Variants in PABPN1L observed in about 807,000 individuals in gnomAD.
The protein encoded by PABPN1L is PABPN1 like, cytoplasmic.
PABPN1L carries 45 observed loss-of-function variants against 34.0 expected under a neutral mutation model. That is an observed-to-expected ratio of 1.32 (90% CI 1.04 to 1.70). The LOEUF (loss-of-function observed/expected upper bound fraction) is 1.70. Ranked by LOEUF, PABPN1L falls within the 40% of genes most tolerant of loss-of-function variation. PABPN1L has a pLI of 0.00. For synonymous variants in PABPN1L, 182 were observed against 152.1 expected, an observed-to-expected ratio of 1.20 and a Z score of -1.45; for missense variants, 459 against 367.8, an observed-to-expected ratio of 1.25 and a Z score of -2.03.
At chr16:88,866,794 C>T (rs941180118), upstream of PABPN1L, 1 of 781,222 alleles carries the variant, frequency 1.3e-6, no homozygotes, top group Admixed American at 3.1e-5. Context: ...CCTTCCCTGT[C>T]ACTCGGACAG....
At chr16:88,869,901 A>C (rs971879558), upstream of PABPN1L, among the ~76,000 whole-genome samples, 2 of 151,736 alleles carry the variant, frequency 1.3e-5, no homozygotes. Context: ...CTTCAAATAC[A>C]CCCTGTTCCA....
chr16:88,864,204 GC>G, intron 6 of PABPN1L, 32 bp downstream of exon 6: 5 of 1,493,260 alleles, frequency 3.3e-6, no homozygotes, highest in Admixed American at 2.0e-5. Flanking sequence ...CATGGCCCTC[GC>G]CCCCAGGCTG....
upstream of PABPN1L, among the ~76,000 whole-genome samples, chr16:88,867,334 T>G (rs1225638805): frequency 6.6e-6 from 1 of 152,004 alleles, no homozygotes; most frequent in Non-Finnish European, 1.5e-5. Context: ...TTCGGGTGAT[T>G]CTCCTGCCTC....
Position 88,866,476 on chromosome 16 carries a change from C to A in PABPN1L, c.131G>T (p.Gly44Val), listed in dbSNP as rs769851079. 1.9e-6 allele frequency: 3 copies of A among 1,551,484 alleles called. No homozygotes were observed. The South Asian group carries it at 3.6e-5, about 18-fold the overall frequency. Residue 44 changes from glycine to valine, a missense_variant, in exon 1 of 7, where the codon GGT (glycine) becomes GTT (valine). Transcript: ENST00000419291. ...CTCTTTCTCCTCCTTCCCTTCCCCA[C>A]CCTCTGGCCCCAGAATCTCCTTGGT... is the stretch of plus-strand genomic sequence containing the variant.
At chr16:88,863,345 AAG>A (rs1163005485) in exon 7 of PABPN1L, 20 of 281,164 alleles carry the variant, frequency 7.1e-5, no homozygotes, top group African/African-American at 4.3e-4. Flanking sequence ...TGCTTTTAAA[AAG>A]AGCCCAAGTT....
upstream of PABPN1L, among the ~76,000 whole-genome samples, chr16:88,866,821 C>T (rs1417002372): frequency 6.6e-6 from 1 of 152,208 alleles, no homozygotes; most frequent in Non-Finnish European, 1.5e-5. Flanking sequence ...CCAGGACACT[C>T]TCCCTGGAGG....
Position 88,864,955 on chromosome 16 carries a change from A to AGGGAGGGGCAGGGAG in PABPN1L, c.567-16_567-15insCTCCCTGCCCCTCCC, listed in dbSNP as rs141563331. The AGGGAGGGGCAGGGAG allele has an allele frequency of 2.3e-5, 29 of 1,250,166 alleles. No individual in the cohort carries two copies. Among genetic ancestry groups the AGGGAGGGGCAGGGAG allele is most frequent in the East Asian group, 1.9e-4 (7 of 37,784 alleles). 77.4% of individuals were successfully genotyped at this position (1,250,166 alleles called of 1,614,324 possible). A position where few individuals can be genotyped will look rare whatever the true frequency, so the allele number is the denominator to read the frequency against. On this transcript the variant is annotated splice_polypyrimidine_tract_variant and intron_variant, in intron 4 of 6. Coordinates refer to ENST00000419291, the Ensembl canonical transcript of PABPN1L. ...TGTAGGCATAACTGAGGGGAGGGGC[A>AGGGAGGGGCAGGGAG]GGGAGGGGAGGGGTGAGGCTGGGCC...
chr16:88,866,225 G>C, intron 1 of PABPN1L, 127 bp downstream of exon 1: 1 of 1,399,578 alleles, frequency 7.1e-7, no homozygotes, highest in Non-Finnish European at 9.5e-7. Context: ...CTTCGTCCAG[G>C]CAGGTGGGCA....
chr16:88,867,169 A>C (rs1968621364), upstream of PABPN1L, among the ~76,000 whole-genome samples: 2 of 146,144 alleles, frequency 1.4e-5, no homozygotes, highest in East Asian at 2.0e-4. Flanking sequence ...CTGCATCCTG[A>C]CCCCCATGGA....
chr16:88,870,122 C>T (rs556777693), upstream of PABPN1L, among the ~76,000 whole-genome samples: 68 of 151,160 alleles, frequency 4.5e-4, no homozygotes, highest in Non-Finnish European at 9.6e-4. Context: ...GATGGAGTCT[C>T]ACTCTGTTGC....
chr16:88,869,531 G>A (rs1369358260), upstream of PABPN1L, among the ~76,000 whole-genome samples: 4 of 152,300 alleles, frequency 2.6e-5, no homozygotes, highest in East Asian at 2.0e-4. Flanking sequence ...CAGGGGCAGC[G>A]CCCACATCTG....
upstream of PABPN1L, among the ~76,000 whole-genome samples, chr16:88,869,067 G>C (rs922709480): frequency 2.6e-5 from 4 of 152,208 alleles, no homozygotes; most frequent in Admixed American, 2.6e-4. Context: ...CTTCATCTTC[G>C]TGGCTGTCCA....
exon 3 of PABPN1L, chr16:88,865,608 G>T (rs376282457): frequency 1.2e-6 from 2 of 1,610,180 alleles, no homozygotes; most frequent in Non-Finnish European, 1.7e-6. Flanking sequence ...CCTTCTCCTC[G>T]GGGGTCCCAG....
chr16:88,866,661 G>C (rs1368082773), upstream of PABPN1L: 2 of 1,475,264 alleles, frequency 1.4e-6, no homozygotes, highest in Admixed American at 2.3e-5. Context: ...CACTCCCCTC[G>C]CGTCCGCACC....
upstream of PABPN1L, among the ~76,000 whole-genome samples, chr16:88,867,634 T>G (rs28623556): frequency 0.12 from 18,606 of 150,720 alleles, 2,863 homozygotes; most frequent in African/African-American, 0.37. Context: ...TGGGGCGGGG[T>G]CTCCGTGGGG....
At chr16:88,865,728 G>T in intron 2 of PABPN1L, 78 bp downstream of exon 2, 1 of 1,553,670 alleles carries the variant, frequency 6.4e-7, no homozygotes, top group Non-Finnish European at 8.7e-7. Flanking sequence ...TGACACCTTG[G>T]AGCCTGCCAG....
chr16:88,863,671 C>A (rs543124299), exon 7 of PABPN1L: 3 of 1,488,824 alleles, frequency 2.0e-6, no homozygotes, highest in Non-Finnish European at 2.7e-6. Flanking sequence ...CCCCGCGCCA[C>A]TCCCTGCCCC....
intron 5 of PABPN1L, 36 bp downstream of exon 5, chr16:88,864,817 C>A: frequency 1.3e-6 from 2 of 1,555,774 alleles, no homozygotes; most frequent in Non-Finnish European, 1.8e-6. Flanking sequence ...AGCCCCTCTG[C>A]GCTCATGTTC....
chr16:88,868,009 A>G (rs28402288), upstream of PABPN1L, among the ~76,000 whole-genome samples: 13,479 of 152,078 alleles, frequency 0.089, 1,528 homozygotes, highest in African/African-American at 0.27. Context: ...CTGGGGGAGG[A>G]GAGAGAGACA....
Sources: gnomAD v4.1 joint callset for allele counts (sites outside exome capture counted in the v4.1 genomes callset) on GRCh38, gnomAD v4.1.1 for gene constraint, MANE v1.5 for transcripts, NCBI Gene and HGNC (gene_info 2026-07-23, HGNC 2026-07-21) for gene names.